The following IFNGR1 variants were observed in gnomAD, a reference collection of about 807,000 sequenced individuals.
IFNGR1 encodes the protein interferon gamma receptor 1, also known as AVP, type 2.
A neutral mutation model predicts 35.4 loss-of-function variants in IFNGR1; 23 were observed. The observed-to-expected ratio is 0.65, with a 90% CI of 0.47 to 0.92. The LOEUF is 0.92. Among genes scored for constraint, IFNGR1 ranks in the 40% least tolerant of loss-of-function variants. The probability of loss-of-function intolerance (pLI) is 0.00; values close to 1 mark genes in which losing one functional copy is unlikely to be tolerated. For missense variants in IFNGR1, 533 were observed against 583.4 expected (o/e 0.91, Z 0.89); for synonymous variants, 199 against 209.5 (o/e 0.95, Z 0.43).
chr6:137,197,956 T>A lies in IFNGR1; in HGVS notation c.*75A>T. The A allele has an allele frequency of 6.3e-7, 1 of 1,597,310 alleles. No homozygotes were observed. The highest frequency in any genetic ancestry group is 8.6e-7 in the Non-Finnish European group (1 of 1,166,574). On this transcript the variant is annotated 3_prime_UTR_variant, in exon 7 of 7. Transcript: ENST00000367739. ...AACTAAGATACAATTTCTGAGATCA[T>A]AATCTTTTCATGAAATTAAAGCAGA...
At chr6:137,212,058 A>G (rs1052407967) in intron 1 of IFNGR1, among the ~76,000 whole-genome samples, 2 of 152,100 alleles carry the variant, frequency 1.3e-5, no homozygotes, top group African/African-American at 2.4e-5. Context: ...ACCTGTTACT[A>G]TAAGACGCAA....
At chr6:137,215,438 C>G (rs1041969287) in intron 1 of IFNGR1, 17 of 1,074,846 alleles carry the variant, frequency 1.6e-5, no homozygotes, top group Non-Finnish European at 2.1e-5. Flanking sequence ...AAGACCTAAA[C>G]AGATACCTAG....
chr6:137,200,081 C>T (rs989055747), intron 6 of IFNGR1, among the ~76,000 whole-genome samples: 2 of 151,998 alleles, frequency 1.3e-5, no homozygotes, highest in Non-Finnish European at 2.9e-5. Context: ...TCTTCTCTAG[C>T]GCGTGTAAAA....
intron 5 of IFNGR1, among the ~76,000 whole-genome samples, chr6:137,201,382 C>A (rs1398328741): frequency 6.6e-6 from 1 of 152,068 alleles, no homozygotes; most frequent in Non-Finnish European, 1.5e-5. Flanking sequence ...TCCTTAGAAA[C>A]AAATTCTGGC....
intron 6 of IFNGR1, among the ~76,000 whole-genome samples, chr6:137,199,474 T>TATATAATTTATAATATATAAA (rs1562283232): frequency 2.9e-5 from 3 of 103,628 alleles, no homozygotes; most frequent in African/African-American, 1.1e-4. Flanking sequence ...TTATATAAAA[T>TATATAATTTATAATATATAAA]ATATAATTTA....
chr6:137,204,808 C>A (rs892512847), intron 3 of IFNGR1, among the ~76,000 whole-genome samples: 1 of 152,140 alleles, frequency 6.6e-6, no homozygotes, highest in Non-Finnish European at 1.5e-5. Flanking sequence ...AAAGACTTCA[C>A]ATAATATAGA....
intron 1 of IFNGR1, chr6:137,210,075 G>A (rs1322833880): frequency 1.0e-5 from 4 of 381,600 alleles, no homozygotes; most frequent in African/African-American, 4.1e-5. Context: ...CATGGGCCAG[G>A]TGCGGTGGCC....
intron 3 of IFNGR1, among the ~76,000 whole-genome samples, chr6:137,204,919 A>G (rs1165238968): frequency 6.6e-6 from 1 of 152,204 alleles, no homozygotes; most frequent in Admixed American, 6.5e-5. Flanking sequence ...TCCCTCATCA[A>G]AACTCTTTTT....
rs1198104321 is a variant in IFNGR1, at chr6:137,207,061, AT to A, written c.101del (p.Asn34MetfsTer9). On this transcript the variant is annotated frameshift_variant, in exon 2 of 7. Transcript: ENST00000367739. LOFTEE classifies it high-confidence loss of function. ...TCATGTTATAGGATTCAATTGTAAC[AT>A]TAGTTGGTGTAGGCACTGTAAGAAA... is the stretch of plus-strand genomic sequence containing the variant. ...LGPSSVPTPTNVTIESYNMNP... is the reference protein window; with the variant it reads ...LGPSSVPTPTXVTIESYNMNP... 1 of 1,613,896 alleles carries A rather than the reference AT, an allele frequency of 6.2e-7. No individual in the cohort carries two copies. The highest frequency in any genetic ancestry group is 1.3e-5 in the African/African-American group (1 of 74,936).
At chr6:137,205,028 G>A (rs1293860120) in intron 3 of IFNGR1, among the ~76,000 whole-genome samples, 1 of 152,128 alleles carries the variant, frequency 6.6e-6, no homozygotes, top group African/African-American at 2.4e-5. Context: ...ATATTACTGT[G>A]TACCACTGTG....
At chr6:137,218,548 T>A in intron 1 of IFNGR1, 3 of 1,287,536 alleles carry the variant, frequency 2.3e-6, no homozygotes, top group Non-Finnish European at 3.0e-6. Context: ...ACTTCTCAGC[T>A]GGCGACATAA....
chr6:137,205,604 A>G (rs1236063711), intron 3 of IFNGR1, among the ~76,000 whole-genome samples: 1 of 152,214 alleles, frequency 6.6e-6, no homozygotes, highest in African/African-American at 2.4e-5. Flanking sequence ...CTTAGTGAAT[A>G]TAACTTACAA....
chr6:137,207,562 G>A (rs1779469594), intron 1 of IFNGR1, among the ~76,000 whole-genome samples: 1 of 152,080 alleles, frequency 6.6e-6, no homozygotes. Context: ...AATCATGGGG[G>A]CCAGTCTTTC....
Position 137,197,893 on chromosome 6 carries a change from C to A in IFNGR1, c.*138G>T, listed in dbSNP as rs1803790. 1 of 1,147,466 alleles carries A rather than the reference C, an allele frequency of 8.7e-7. No individual in the cohort carries two copies. Among genetic ancestry groups the A allele is most frequent in the Non-Finnish European group, 1.3e-6 (1 of 786,346 alleles). The allele number at this position is 1,147,466 out of a possible 1,614,324, so 71.1% of individuals were successfully genotyped here. On this transcript the variant is annotated 3_prime_UTR_variant, in exon 7 of 7. Transcript: ENST00000367739. Reference sequence around the variant, plus strand: ...GAAAATGCCACACATCCTCTTTACGCTTTCATGTACACTAAGTCACTCCAT... The same window carrying A: ...GAAAATGCCACACATCCTCTTTACGATTTCATGTACACTAAGTCACTCCAT...
rs2114480349 is a variant in IFNGR1 at position 137,204,509 on chromosome 6, G to A, written c.374-5C>T. Reference sequence around the variant, plus strand: ...GTTTAGGTGGTCCAATTTTTCCTGGGGAAGGAGGAGGAGGAAGTATAATAA... The same window carrying A: ...GTTTAGGTGGTCCAATTTTTCCTGGAGAAGGAGGAGGAGGAAGTATAATAA... On this transcript the variant is annotated splice_polypyrimidine_tract_variant and splice_region_variant and intron_variant, in intron 3 of 6. Transcript: ENST00000367739. 4 of 1,608,370 alleles carry A rather than the reference G, an allele frequency of 2.5e-6. No homozygotes were observed. The highest frequency in any genetic ancestry group is 3.4e-6 in the Non-Finnish European group (4 of 1,174,848).
intron 1 of IFNGR1, among the ~76,000 whole-genome samples, chr6:137,209,604 G>A (rs188559519): frequency 1.6e-4 from 24 of 152,156 alleles, no homozygotes; most frequent in East Asian, 7.7e-4. Context: ...AGTGCCTTTC[G>A]CCCTTGCTGT....
At chr6:137,203,963 T>C (rs1038182458) in intron 4 of IFNGR1, among the ~76,000 whole-genome samples, 2 of 152,210 alleles carry the variant, frequency 1.3e-5, no homozygotes, top group African/African-American at 4.8e-5. Context: ...TCATTTGTCC[T>C]ATTCATTTGT....
chr6:137,203,214 T>A (rs889612465), intron 5 of IFNGR1, among the ~76,000 whole-genome samples: 5 of 152,202 alleles, frequency 3.3e-5, no homozygotes, highest in African/African-American at 1.2e-4. Context: ...TAATTCATAA[T>A]CCTGAAATGC....
intron 3 of IFNGR1, among the ~76,000 whole-genome samples, chr6:137,205,101 C>A (rs538296126): frequency 6.6e-6 from 1 of 152,112 alleles, no homozygotes; most frequent in African/African-American, 2.4e-5. Context: ...CTTTCCGGCA[C>A]GTAGTAGGCC....
Sources: allele counts gnomAD v4.1 joint callset (sites outside exome capture counted in the v4.1 genomes callset), GRCh38; gene constraint gnomAD v4.1.1; transcripts MANE v1.5; gene names NCBI Gene and HGNC (gene_info 2026-07-23, HGNC 2026-07-21).